Variants in CCDC187 observed in about 807,000 individuals in gnomAD.
CCDC187 encodes coiled-coil domain containing 187, also known as coiled-coil domain-containing protein 187.
A neutral mutation model predicts 38.0 loss-of-function variants in CCDC187; 32 were observed. The ratio of observed to expected loss-of-function variants is 0.84; its 90% CI spans 0.64 to 1.13. The LOEUF (loss-of-function observed/expected upper bound fraction) is 1.13, where lower values mean the gene tolerates loss of function less well. Among genes scored for constraint, CCDC187 ranks in the 50% most tolerant of loss-of-function variants. CCDC187 has a pLI of 0.00. For synonymous variants in CCDC187, 333 were observed against 347.9 expected (o/e 0.96, Z 0.48); for missense variants, 707 against 786.8 (o/e 0.90, Z 1.21).
intron 7 of CCDC187, among the ~76,000 whole-genome samples, chr9:136,289,731 G>T (rs1179673435): frequency 1.3e-5 from 2 of 152,132 alleles, no homozygotes; most frequent in African/African-American, 2.4e-5. Flanking sequence ...TAACGTGGTG[G>T]ATTTAAGTTT....
Position 136,286,359 on chromosome 9 carries a change from G to T in CCDC187, c.2559C>A (p.Thr853=), listed in dbSNP as rs1030278879. The T allele has an allele frequency of 2.5e-6, 1 of 398,656 alleles. No homozygotes were observed. The highest frequency in any genetic ancestry group is 4.4e-6 in the Non-Finnish European group (1 of 226,070). The allele number at this position is 398,656 out of a possible 1,614,324, so 24.7% of individuals were successfully genotyped here. Residue 853 remains threonine (T), a synonymous_variant, in exon 8 of 26, where the codon ACC becomes ACA. Transcript: ENST00000638797. ...AKLQGAEALD[T]VRDPAVGLLR... ...GCAGGCCCACAGCTGGGTCCCTGAC[G>T]GTGTCCAGCGCTTCGGCACCCTGCA...
chr9:136,292,356 G>C (rs1399620226), intron 4 of CCDC187, 61 bp from the exon 5 acceptor site: 8 of 398,354 alleles, frequency 2.0e-5, no homozygotes, highest in Non-Finnish European at 3.5e-5. Context: ...CACTGGCCCG[G>C]ACGGGGAGGT....
chr9:136,256,633 A>AC (rs1554760335), intron 23 of CCDC187, 72 bp downstream of exon 23: 2 of 152,160 alleles, frequency 1.3e-5, no homozygotes, highest in East Asian at 3.9e-4. Context: ...GGACCAGGAG[A>AC]CCCCTCAGGG....
chr9:136,260,068 A>C (rs1175928074), intron 20 of CCDC187, 51 bp downstream of exon 20: 2 of 984,718 alleles, frequency 2.0e-6, no homozygotes, highest in Non-Finnish European at 2.4e-6. Flanking sequence ...CCCAGGGCCC[A>C]CTGAATGAGC....
At position 136,258,124 on chromosome 9, in the gene CCDC187, G is replaced by A. The variant is rs572571563; in HGVS notation, c.4366+808C>T. 6.6e-6 allele frequency among the ~76,000 whole-genome samples: 1 copy of A among 152,282 alleles called. No homozygotes were observed. Among genetic ancestry groups the A allele is most frequent in the African/African-American group, 2.4e-5 (1 of 41,556 alleles). On this transcript the variant is annotated intron_variant, in intron 22 of 25. Coordinates refer to ENST00000638797, the MANE Select transcript of CCDC187 (RefSeq NM_001378188.1). The surrounding 1 kb of genome is among the most constrained non-coding windows in gnomAD (Gnocchi z 4.3). ...GAAGCCTGAACAGCGCAGGCCCGGAGGTGACGCGGGACACAGAGGGAAAGC... is the reference window on the plus strand; with the variant it reads ...GAAGCCTGAACAGCGCAGGCCCGGAAGTGACGCGGGACACAGAGGGAAAGC...
At chr9:136,271,078 G>A (rs1389599360) in intron 14 of CCDC187, among the ~76,000 whole-genome samples, 4 of 152,174 alleles carry the variant, frequency 2.6e-5, no homozygotes, top group African/African-American at 9.7e-5. Flanking sequence ...CGGCACCTGG[G>A]TAATCTTCTG....
rs990150395 is a variant in CCDC187 at position 136,264,673 on chromosome 9, C to T, written c.3736-875G>A. 3.9e-5 allele frequency among the ~76,000 whole-genome samples: 6 copies of T among 152,192 alleles called. No individual in the cohort carries two copies. The highest frequency in any genetic ancestry group is 8.8e-5 in the Non-Finnish European group (6 of 68,002). On this transcript the variant is annotated intron_variant, in intron 17 of 25. Coordinates refer to ENST00000638797, the MANE Select transcript of CCDC187 (RefSeq NM_001378188.1). This position sits in a 1 kb window ranked among gnomAD's most constrained non-coding sequence, Gnocchi z 4.3. ...GCATCCAGGGCAGGGATGGGGATCC[C>T]GGGGCTTTCCAGTCAACATAAGGTC...
At chr9:136,288,160 T>A (rs1044391288) in intron 7 of CCDC187, among the ~76,000 whole-genome samples, 1 of 151,962 alleles carries the variant, frequency 6.6e-6, no homozygotes, top group African/African-American at 2.4e-5. Context: ...GGGGGTGGCA[T>A]GGCGGGGCCA....
intron 19 of CCDC187, 96 bp from the exon 20 acceptor site, chr9:136,260,360 G>A (rs1268835422): frequency 2.2e-6 from 2 of 928,620 alleles, no homozygotes; most frequent in East Asian, 2.4e-4. Context: ...CCCTCTCCCT[G>A]GGAACAACCT....
At chr9:136,295,647 G>GCTCTGAC (rs1831516594) in intron 4 of CCDC187, among the ~76,000 whole-genome samples, 1 of 152,204 alleles carries the variant, frequency 6.6e-6, no homozygotes, top group South Asian at 2.1e-4. Flanking sequence ...AAGTCCTGTG[G>GCTCTGAC]CTCTGACCTC....
intron 2 of CCDC187, among the ~76,000 whole-genome samples, chr9:136,300,707 C>T (rs1418409787): frequency 6.6e-6 from 1 of 152,176 alleles, no homozygotes; most frequent in Non-Finnish European, 1.5e-5. Context: ...AAGCGATTCT[C>T]CTACCTCAGC....
chr9:136,266,781 T>C (rs1564309853), intron 16 of CCDC187: 1 of 152,222 alleles, frequency 6.6e-6, no homozygotes, highest in East Asian at 1.9e-4. Flanking sequence ...TGTGTGTTTC[T>C]CCCCAAAACA....
chr9:136,273,691 G>A (rs1554762744), intron 14 of CCDC187, among the ~76,000 whole-genome samples: 1 of 152,212 alleles, frequency 6.6e-6, no homozygotes, highest in African/African-American at 2.4e-5. Context: ...ACTCCCCCCA[G>A]CAACAACAGA....
chr9:136,258,737 T>TCCG lies in CCDC187; in HGVS notation c.4366+192_4366+194dup. On this transcript the variant is annotated intron_variant, in intron 22 of 25. Transcript: ENST00000638797. The surrounding 1 kb of genome is among the most constrained non-coding windows in gnomAD (Gnocchi z 4.3). ...TCTCCAGAAGAGCCGCTGCGTCACCTCCGGTAGGAGATGGAGCCGGCCACT... is the reference window on the plus strand; with the variant it reads ...TCTCCAGAAGAGCCGCTGCGTCACCTCCGCCGGTAGGAGATGGAGCCGGCCACT... 1 of 985,374 alleles carries TCCG rather than the reference T, an allele frequency of 1.0e-6. No homozygotes were observed. Among genetic ancestry groups the TCCG allele is most frequent in the Non-Finnish European group, 1.2e-6 (1 of 829,922 alleles). The allele number at this position is 985,374 out of a possible 1,614,324, so 61.0% of individuals were successfully genotyped here. A position where few individuals can be genotyped will look rare whatever the true frequency, so the allele number is the denominator to read the frequency against.
In CCDC187 at chr9:136,285,992, C is replaced by G. The variant is rs1024775169; in HGVS notation, c.2833+93G>C. On this transcript the variant is annotated intron_variant, in intron 8 of 25. Transcript: ENST00000638797. ...CTAGCCCCCTTTCCAGAAAGGAAAC[C>G]AAGGCTCAGAGAGAAAATGGGGTCC... The G allele has an allele frequency of 1.5e-3, 589 of 397,640 alleles. 8 individuals carry two copies. In the East Asian group the frequency reaches 0.019, roughly 13 times the overall value. The allele number at this position is 397,640 out of a possible 1,614,324, so 24.6% of individuals were successfully genotyped here. A position where few individuals can be genotyped will look rare whatever the true frequency, so the allele number is the denominator to read the frequency against.
intron 4 of CCDC187, among the ~76,000 whole-genome samples, chr9:136,292,963 G>C (rs920928083): frequency 5.3e-5 from 8 of 152,312 alleles, no homozygotes; most frequent in African/African-American, 1.9e-4. Context: ...GCTCATCCAG[G>C]TGGCACTTCA....
At chr9:136,300,507 G>C (rs895959712) in intron 2 of CCDC187, among the ~76,000 whole-genome samples, 189 bp from the exon 3 acceptor site, 1,800 of 152,304 alleles carry the variant, frequency 0.012, 18 homozygotes, top group Non-Finnish European at 0.017. Context: ...TCCGCCTCTT[G>C]GGTTCAAGCG....
At chr9:136,293,087 CACACTCACAA>C (rs1320442556) in intron 4 of CCDC187, among the ~76,000 whole-genome samples, 10 of 152,120 alleles carry the variant, frequency 6.6e-5, no homozygotes, top group African/African-American at 1.7e-4. Flanking sequence ...CACATGCTCA[CACACTCACAA>C]ACACTCACAT....
chr9:136,290,315 T>G (rs74204453), intron 6 of CCDC187, among the ~76,000 whole-genome samples, 171 bp downstream of exon 6: 50,966 of 151,824 alleles, frequency 0.34, 9,329 homozygotes, highest in African/African-American at 0.49. Context: ...CCACAGAAGC[T>G]CTGGCTTTCT....
Sources: allele counts gnomAD v4.1 joint callset (sites outside exome capture counted in the v4.1 genomes callset), GRCh38; gene constraint gnomAD v4.1.1; non-coding constraint Gnocchi (gnomAD v3.1); transcripts MANE v1.5; gene names NCBI Gene and HGNC (gene_info 2026-07-23, HGNC 2026-07-21).